Variants in PCSK5 observed in about 807,000 individuals in gnomAD.
The protein encoded by PCSK5 is proprotein convertase subtilisin/kexin type 5.
Under a neutral mutation model 233.2 loss-of-function variants are expected in PCSK5, and 129 were observed. That is an observed-to-expected ratio of 0.55 (90% CI 0.48 to 0.64). PCSK5 has a LOEUF of 0.64. PCSK5 is among the 30% of genes least tolerant of loss of function. The pLI is 0.00. For missense variants in PCSK5, 2,076 were observed against 2,430.1 expected (o/e 0.85, Z 3.06); for synonymous variants, 825 against 879.2 (o/e 0.94, Z 1.09).
intron 5 of PCSK5, among the ~76,000 whole-genome samples, chr9:76,054,113 GACTT>G (rs1487801615): frequency 2.6e-5 from 4 of 152,068 alleles, no homozygotes; most frequent in African/African-American, 7.2e-5. Context: ...GCTCTCATAA[GACTT>G]ACTATCACAA....
rs755978345 is a variant in PCSK5, at chr9:76,321,558, G to A, written c.4021G>A (p.Glu1341Lys). Residue 1341 changes from glutamate to lysine, a missense_variant, in exon 31 of 38, where the codon GAG (glutamate) becomes AAG (lysine). By Grantham distance (56) the Glu-to-Lys change is moderately conservative (BLOSUM62 1). Coordinates refer to ENST00000674117, the MANE Select transcript of PCSK5 (RefSeq NM_001372043.1). Reference protein sequence around the residue: ...HHGVCQENCPERHVAVKGVCK... With the variant: ...HHGVCQENCPKRHVAVKGVCK... ...CGGAGTGTGCCAGGAAAACTGCCCC[G>A]AGAGGCACGTGGCTGTGAAGGGGGT... is the stretch of plus-strand genomic sequence containing the variant. 5.8e-5 allele frequency: 93 copies of A among 1,612,556 alleles called. No homozygotes were observed. Among genetic ancestry groups the A allele is most frequent in the East Asian group, 1.6e-4 (7 of 44,888 alleles).
At chr9:75,990,333 T>A (rs1234538985) in intron 3 of PCSK5, among the ~76,000 whole-genome samples, 2 of 152,236 alleles carry the variant, frequency 1.3e-5, no homozygotes, top group Admixed American at 1.3e-4. Flanking sequence ...CTCTTTTAAT[T>A]AATTTACAAG....
intron 2 of PCSK5, among the ~76,000 whole-genome samples, chr9:75,957,791 G>A (rs1312561671): frequency 1.3e-5 from 2 of 152,138 alleles, no homozygotes; most frequent in African/African-American, 4.8e-5. Context: ...AACATTTCCT[G>A]TTAGTCAAGA....
chr9:75,908,905 A>ATCTATCTG (rs1554704459), intron 1 of PCSK5, among the ~76,000 whole-genome samples: 182 of 130,604 alleles, frequency 1.4e-3, no homozygotes, highest in African/African-American at 4.9e-3. Flanking sequence ...CTATCTATCT[A>ATCTATCTG]TCTATCTATC....
At chr9:76,165,975 A>G (rs1007904011) in intron 12 of PCSK5, among the ~76,000 whole-genome samples, 9 of 152,244 alleles carry the variant, frequency 5.9e-5, no homozygotes, top group African/African-American at 2.2e-4. Flanking sequence ...TACAAGCTAT[A>G]TTACCTTTTG....
At chr9:76,083,817 C>A (rs1293318307) in intron 7 of PCSK5, among the ~76,000 whole-genome samples, 1 of 152,202 alleles carries the variant, frequency 6.6e-6, no homozygotes, top group Non-Finnish European at 1.5e-5. Context: ...CACGAGGGGA[C>A]AGAAGAGATA....
intron 2 of PCSK5, among the ~76,000 whole-genome samples, chr9:75,942,700 G>GCAC (rs1824368286): frequency 6.6e-6 from 1 of 152,044 alleles, no homozygotes. Context: ...GTTCGAGGAA[G>GCAC]CACCATAAGT....
Position 76,359,238 on chromosome 9 carries a change from ATGTGATTTT to A in PCSK5, c.*317_*325del. 3.6e-6 allele frequency: 1 copy of A among 275,738 alleles called. No homozygotes were observed. The highest frequency in any genetic ancestry group is 6.9e-6 in the Non-Finnish European group (1 of 144,568). The allele number at this position is 275,738 out of a possible 1,614,324, so 17.1% of individuals were successfully genotyped here. On this transcript the variant is annotated 3_prime_UTR_variant, in exon 38 of 38. Transcript: ENST00000674117. ...AAATGAGATTTGTACAAACTCTTCT[ATGTGATTTT>A]AAAAAAAGGACAGCAGATCTATAGA... is the stretch of plus-strand genomic sequence containing the variant.
chr9:76,350,731 T>C, intron 35 of PCSK5, 97 bp from the exon 36 acceptor site: 1 of 776,080 alleles, frequency 1.3e-6, no homozygotes, highest in Admixed American at 2.4e-5. Flanking sequence ...TCTGCTTCAA[T>C]TTACTTGACA....
chr9:76,173,495 C>CT (rs1587715951), intron 13 of PCSK5, among the ~76,000 whole-genome samples: 1 of 34,582 alleles, frequency 2.9e-5, no homozygotes, highest in Admixed American at 3.1e-4. Flanking sequence ...AGGCACGTTT[C>CT]CTTTTTTTTT....
chr9:76,356,485 T>C (rs1270426263), intron 37 of PCSK5, among the ~76,000 whole-genome samples: 1 of 152,062 alleles, frequency 6.6e-6, no homozygotes, highest in Non-Finnish European at 1.5e-5. Context: ...CCTCAAAAGG[T>C]TTTCATATTG....
chr9:75,935,303 G>C (rs548374792), intron 2 of PCSK5, among the ~76,000 whole-genome samples: 4 of 152,034 alleles, frequency 2.6e-5, no homozygotes, highest in African/African-American at 2.4e-5. Context: ...TCCTCTCCTC[G>C]TGATCCACCC....
At chr9:76,125,348 G>A (rs183745415) in intron 9 of PCSK5, among the ~76,000 whole-genome samples, 4 of 152,198 alleles carry the variant, frequency 2.6e-5, no homozygotes, top group Admixed American at 2.0e-4. Flanking sequence ...CCATTAACCT[G>A]ACTCTTTCCA....
intron 1 of PCSK5, among the ~76,000 whole-genome samples, chr9:75,931,248 C>A (rs1218617247): frequency 7.7e-6 from 1 of 130,466 alleles, no homozygotes. Context: ...TGGGCCAAGA[C>A]TTTTTTTTTT....
At chr9:76,042,683 A>G (rs879852458) in intron 5 of PCSK5, among the ~76,000 whole-genome samples, 19 of 152,186 alleles carry the variant, frequency 1.2e-4, no homozygotes, top group Non-Finnish European at 2.5e-4. Context: ...CAGCAAAGGG[A>G]AAAAACTTTA....
chr9:76,358,985 T>C lies in PCSK5; in HGVS notation c.*63T>C. ...AGGCATGCCTGTGAGCATCACTGTTTTTGGTTTTATCCCCACACCAGGCTG... is the reference window on the plus strand; with the variant it reads ...AGGCATGCCTGTGAGCATCACTGTTCTTGGTTTTATCCCCACACCAGGCTG... On this transcript the variant is annotated 3_prime_UTR_variant, in exon 38 of 38. Coordinates refer to ENST00000674117, the MANE Select transcript of PCSK5 (RefSeq NM_001372043.1). 2.0e-6 allele frequency: 3 copies of C among 1,487,644 alleles called. No homozygotes were observed. The highest frequency in any genetic ancestry group is 2.8e-6 in the Non-Finnish European group (3 of 1,085,674). The allele number at this position is 1,487,644 out of a possible 1,614,324, so 92.2% of individuals were successfully genotyped here. A position where few individuals can be genotyped will look rare whatever the true frequency, so the allele number is the denominator to read the frequency against.
chr9:76,302,077 A>G (rs1828625577), intron 27 of PCSK5, 60 bp from the exon 28 acceptor site: 1 of 784,010 alleles, frequency 1.3e-6, no homozygotes, highest in South Asian at 1.6e-5. Context: ...GGTGAAGTTT[A>G]TCTTCTTTAT....
In PCSK5 at chr9:76,169,837, C is replaced by T. The variant is rs898474321; in HGVS notation, c.1753C>T (p.Pro585Ser). The change falls in exon 13 of 38, where the codon CCA becomes TCA. Residue 585 changes from proline (P) to serine (S), a missense_variant. Around this residue, in one of 6 missense-constraint regions of PCSK5, gnomAD observed 50 missense variants for 104.7 expected, o/e 0.48. Transcript: ENST00000674117. Reference protein sequence around the residue: ...TPSQLRNFKTPGKLKEWSLVL... With the variant: ...TPSQLRNFKTSGKLKEWSLVL... ...CTCTCAGCTAAGGAACTTTAAGACT[C>T]CAGGTGAGAACTCCCTTTCTATACA... The T allele has an allele frequency of 6.2e-7, 1 of 1,612,490 alleles. No homozygotes were observed. Among genetic ancestry groups the T allele is most frequent in the South Asian group, 1.1e-5 (1 of 91,036 alleles).
At chr9:76,242,995 G>A (rs1826476496) in intron 24 of PCSK5, among the ~76,000 whole-genome samples, 1 of 152,164 alleles carries the variant, frequency 6.6e-6, no homozygotes, top group African/African-American at 2.4e-5. Flanking sequence ...TTATCATGGA[G>A]GTGGGAACAG....
Sources: gnomAD v4.1 joint callset for allele counts (sites outside exome capture counted in the v4.1 genomes callset) on GRCh38, gnomAD v4.1.1 for gene constraint, gnomAD v4.1.1 regional missense constraint, MANE v1.5 for transcripts, NCBI Gene and HGNC (gene_info 2026-07-23, HGNC 2026-07-21) for gene names.